Variants in DTNA observed in about 807,000 individuals in gnomAD.
The protein encoded by DTNA is dystrophin-related protein 3.
Under a neutral mutation model 100.7 loss-of-function variants are expected in DTNA, and 43 were observed. The observed-to-expected ratio is 0.43, with a 90% CI of 0.33 to 0.55. DTNA has a LOEUF of 0.55. Ranked by LOEUF, DTNA falls within the 20% of genes least tolerant of loss-of-function variation. The pLI is 0.04. For missense variants in DTNA, 798 were observed against 953.9 expected (o/e 0.84, Z 2.15); for synonymous variants, 349 against 347.9 (o/e 1.00, Z -0.04).
chr18:34,722,995 C>A (rs2085716835), intron 1 of DTNA, among the ~76,000 whole-genome samples: 2 of 152,060 alleles, frequency 1.3e-5, no homozygotes, highest in Non-Finnish European at 2.9e-5. Flanking sequence ...TATGAACATT[C>A]ATGTGAAAAT....
chr18:34,706,378 T>C (rs1267951585), upstream of DTNA, among the ~76,000 whole-genome samples: 1 of 152,236 alleles, frequency 6.6e-6, no homozygotes, highest in Non-Finnish European at 1.5e-5. Flanking sequence ...ACAATGGACA[T>C]GTAACATTAT....
intron 1 of DTNA, among the ~76,000 whole-genome samples, chr18:34,537,953 TGATA>T (rs764002346): frequency 2.0e-4 from 31 of 152,036 alleles, no homozygotes; most frequent in African/African-American, 6.3e-4. Flanking sequence ...GTTTTCAAAA[TGATA>T]GATAGGGAAA....
intron 1 of DTNA, among the ~76,000 whole-genome samples, chr18:34,568,237 GCAC>G (rs2047256731): frequency 6.6e-6 from 1 of 152,010 alleles, no homozygotes; most frequent in Non-Finnish European, 1.5e-5. Context: ...CAATAACTCA[GCAC>G]AATGTAGCCT....
chr18:34,536,741 G>T (rs1303987854), intron 1 of DTNA, among the ~76,000 whole-genome samples: 6 of 151,896 alleles, frequency 4.0e-5, no homozygotes, highest in African/African-American at 1.4e-4. Flanking sequence ...TGAGAAATAT[G>T]TGCTACCCAT....
intron 1 of DTNA, among the ~76,000 whole-genome samples, chr18:34,648,389 A>T (rs537428924): frequency 6.6e-6 from 1 of 152,238 alleles, no homozygotes; most frequent in Non-Finnish European, 1.5e-5. Flanking sequence ...GAGTAGAAGC[A>T]GTAAGTTTGA....
intron 20 of DTNA, 86 bp from the exon 21 acceptor site, chr18:34,881,983 C>G (rs913666959): frequency 1.3e-6 from 2 of 1,586,064 alleles, no homozygotes; most frequent in African/African-American, 2.7e-5. Context: ...ATAAAGGTGC[C>G]AACGAAACTA....
At chr18:34,864,257 T>G (rs2150154693) in intron 17 of DTNA, among the ~76,000 whole-genome samples, 195 bp downstream of exon 17, 1 of 149,710 alleles carries the variant, frequency 6.7e-6, no homozygotes, top group Middle Eastern at 3.4e-3. Flanking sequence ...TCTTTTTTTT[T>G]TTTTTTTTTT....
chr18:34,810,301 C>A lies in DTNA; in HGVS notation c.449-1658C>A, dbSNP rs76869553. On this transcript the variant is annotated intron_variant, in intron 5 of 22. Transcript: ENST00000444659. ...TGACCTACTTTAAATTCTTCAGTAT[C>A]TCCCTCAGCATCTTCTGGACACAAC... is the stretch of plus-strand genomic sequence containing the variant. Among the ~76,000 whole-genome samples, 1,322 of 152,264 alleles carry A rather than the reference C, an allele frequency of 8.7e-3. 12 individuals are homozygous for A. The highest frequency in any genetic ancestry group is 0.031 in the African/African-American group (1,284 of 41,526).
chr18:34,890,580 C>A lies in DTNA; in HGVS notation c.*2846C>A. On this transcript the variant is annotated 3_prime_UTR_variant, in exon 23 of 23. Transcript: ENST00000444659. Reference sequence around the variant, plus strand: ...AGCCTGTTAATAAGCACTGGTCTAACACAGCCAACCCTCCTCCACAGCGCC... The same window carrying A: ...AGCCTGTTAATAAGCACTGGTCTAAAACAGCCAACCCTCCTCCACAGCGCC... 1 of 1,280,840 alleles carries A rather than the reference C, an allele frequency of 7.8e-7. No homozygotes were observed. Among genetic ancestry groups the A allele is most frequent in the Non-Finnish European group, 1.1e-6 (1 of 944,666 alleles). 79.3% of individuals were successfully genotyped at this position (1,280,840 alleles called of 1,614,324 possible). A position where few individuals can be genotyped will look rare whatever the true frequency, so the allele number is the denominator to read the frequency against.
intron 1 of DTNA, among the ~76,000 whole-genome samples, chr18:34,600,573 A>T (rs748298339): frequency 6.6e-6 from 1 of 152,228 alleles, no homozygotes; most frequent in African/African-American, 2.4e-5. Flanking sequence ...CTTCCAATGC[A>T]TATGAACTTC....
chr18:34,536,213 G>C (rs1029070905), intron 1 of DTNA, among the ~76,000 whole-genome samples: 1 of 151,780 alleles, frequency 6.6e-6, no homozygotes, highest in African/African-American at 2.4e-5. Flanking sequence ...CTATTGATTG[G>C]TATGTCATTT....
At chr18:34,578,763 G>A (rs921420792) in intron 1 of DTNA, among the ~76,000 whole-genome samples, 2 of 152,054 alleles carry the variant, frequency 1.3e-5, no homozygotes, top group Admixed American at 6.6e-5. Flanking sequence ...CTTTGTCAAC[G>A]ATCAGTTGGC....
chr18:34,602,179 G>T (rs1295739553), intron 1 of DTNA, among the ~76,000 whole-genome samples: 2 of 152,132 alleles, frequency 1.3e-5, no homozygotes. Flanking sequence ...TAAAACTCAG[G>T]AATTCAAAGA....
intron 4 of DTNA, among the ~76,000 whole-genome samples, chr18:34,797,787 T>C (rs752393929): frequency 6.6e-6 from 1 of 152,154 alleles, no homozygotes; most frequent in Non-Finnish European, 1.5e-5. Flanking sequence ...TTGATCACCT[T>C]TCCACAGGTC....
chr18:34,618,728 C>T (rs910315223), intron 1 of DTNA, among the ~76,000 whole-genome samples: 4 of 152,226 alleles, frequency 2.6e-5, no homozygotes, highest in Admixed American at 2.6e-4. Flanking sequence ...AAGCATTTTT[C>T]ATTTTCGTAA....
At chr18:34,785,984 C>G (rs1381523623) in intron 3 of DTNA, among the ~76,000 whole-genome samples, 2 of 152,152 alleles carry the variant, frequency 1.3e-5, no homozygotes, top group Admixed American at 1.3e-4. Context: ...TCTCAGGAAC[C>G]TAGTGTCACT....
At chr18:34,570,291 G>A (rs1057443889) in intron 1 of DTNA, among the ~76,000 whole-genome samples, 1 of 152,138 alleles carries the variant, frequency 6.6e-6, no homozygotes, top group Non-Finnish European at 1.5e-5. Context: ...TAAAAGTGAT[G>A]GATAAATGAG....
chr18:34,553,118 C>G (rs1471103113), intron 1 of DTNA, among the ~76,000 whole-genome samples: 1 of 149,926 alleles, frequency 6.7e-6, no homozygotes, highest in East Asian at 2.0e-4. Context: ...TTGCATTTCT[C>G]TGATGGCCAG....
intron 1 of DTNA, among the ~76,000 whole-genome samples, chr18:34,671,581 C>T (rs967613278): frequency 3.9e-5 from 6 of 152,184 alleles, no homozygotes; most frequent in African/African-American, 1.4e-4. Context: ...AAATTTAATT[C>T]AGAATATTTG....
Sources: gnomAD v4.1 joint callset for allele counts (sites outside exome capture counted in the v4.1 genomes callset) on GRCh38, gnomAD v4.1.1 for gene constraint, MANE v1.5 for transcripts, NCBI Gene and HGNC (gene_info 2026-07-23, HGNC 2026-07-21) for gene names.